Variants in EFCC1 observed in about 807,000 individuals in gnomAD.
The protein encoded by EFCC1 is EF-hand and coiled-coil domain containing 1, also known as EF-hand and coiled-coil domain-containing protein 1.
A neutral mutation model predicts 52.1 loss-of-function variants in EFCC1; 50 were observed. That is an observed-to-expected ratio of 0.96 (90% CI 0.76 to 1.21). The LOEUF (loss-of-function observed/expected upper bound fraction) is 1.21. Among genes scored for constraint, EFCC1 ranks in the 50% most tolerant of loss-of-function variants. The probability of loss-of-function intolerance (pLI) is 0.00; values close to 1 mark genes in which losing one functional copy is unlikely to be tolerated. For missense variants in EFCC1, 837 were observed against 867.3 expected (o/e 0.97, Z 0.44); for synonymous variants, 399 against 396.5 (o/e 1.01, Z -0.08).
At chr3:129,031,030 T>G (rs2107935134) in intron 3 of EFCC1, among the ~76,000 whole-genome samples, 170 bp downstream of exon 3, 1 of 152,188 alleles carries the variant, frequency 6.6e-6, no homozygotes, top group South Asian at 2.1e-4. Flanking sequence ...AGCCCCATCA[T>G]CCTAAGAACC....
intron 5 of EFCC1, among the ~76,000 whole-genome samples, chr3:129,034,981 T>C (rs536554401): frequency 2.6e-5 from 4 of 152,330 alleles, no homozygotes; most frequent in Admixed American, 1.3e-4. Flanking sequence ...AGCATCCAGC[T>C]GTCTCCATTT....
intron 1 of EFCC1, 90 bp downstream of exon 1, chr3:129,002,414 T>C: frequency 1.4e-6 from 2 of 1,431,044 alleles, no homozygotes; most frequent in South Asian, 2.9e-5. Context: ...CAGGACAGAG[T>C]CAGAGGAAGG....
At chr3:129,012,072 T>C (rs1480096599) in intron 2 of EFCC1, among the ~76,000 whole-genome samples, 2 of 152,194 alleles carry the variant, frequency 1.3e-5, no homozygotes, top group African/African-American at 4.8e-5. Context: ...ACAAAGGACA[T>C]GGGGTGGCCT....
chr3:129,030,682 G>A, intron 2 of EFCC1, 21 bp from the exon 3 acceptor site: 1 of 1,549,738 alleles, frequency 6.5e-7, no homozygotes, highest in East Asian at 2.4e-5. Context: ...CTCAATGCCT[G>A]TGTCTCTCCC....
intron 4 of EFCC1, among the ~76,000 whole-genome samples, chr3:129,033,931 G>T (rs1946321663): frequency 6.6e-6 from 1 of 152,264 alleles, no homozygotes; most frequent in South Asian, 2.1e-4. Flanking sequence ...GGAGCAGTGT[G>T]AGTGCAGGTG....
Position 129,030,778 on chromosome 3 carries a change from T to C in EFCC1, c.1056T>C (p.Asp352=). The change falls in exon 3 of 8, where the codon GAT becomes GAC. Residue 352 remains aspartate (D), a synonymous_variant. Coordinates refer to ENST00000683648, the MANE Select transcript of EFCC1 (RefSeq NM_001377500.1). ...GAGACAAGAGTAATGAACCTGAAGA[T>C]GCTGGGACCAGAGACCCAGACCCCA... is the stretch of plus-strand genomic sequence containing the variant. ...EPGDKSNEPE[D]AGTRDPDPTP... The C allele has an allele frequency of 1.3e-6, 2 of 1,551,596 alleles. No homozygotes were observed. Among genetic ancestry groups the C allele is most frequent in the South Asian group, 2.4e-5 (2 of 84,062 alleles).
At chr3:129,034,371 G>A (rs777438275) in intron 5 of EFCC1, 42 bp downstream of exon 5, 1 of 1,602,084 alleles carries the variant, frequency 6.2e-7, no homozygotes, top group East Asian at 2.2e-5. Context: ...CAATTCTAGA[G>A]GATCTCACAG....
intron 2 of EFCC1, among the ~76,000 whole-genome samples, chr3:129,006,173 G>T (rs1945065897): frequency 1.3e-5 from 2 of 152,224 alleles, no homozygotes; most frequent in Non-Finnish European, 2.9e-5. Flanking sequence ...AAATCAGCCT[G>T]GCCCCACTGC....
At chr3:129,009,166 C>T (rs1188747617) in intron 2 of EFCC1, among the ~76,000 whole-genome samples, 1 of 152,198 alleles carries the variant, frequency 6.6e-6, no homozygotes. Flanking sequence ...CACCTTTCTT[C>T]TCTCCTCTGT....
chr3:129,037,213 T>C, intron 6 of EFCC1, 96 bp downstream of exon 6: 2 of 1,420,384 alleles, frequency 1.4e-6, no homozygotes, highest in East Asian at 5.1e-5. Flanking sequence ...AGGCTCTCCT[T>C]ACAGTAGGCA....
chr3:129,003,193 G>T (rs1414867443), intron 1 of EFCC1: 2 of 983,522 alleles, frequency 2.0e-6, no homozygotes, highest in Non-Finnish European at 2.4e-6. Flanking sequence ...AAGCCAGGGT[G>T]GAGGCGGGAA....
rs1944751231 is a variant in EFCC1, at chr3:129,001,593, A to G, written c.-36A>G. The G allele has an allele frequency of 3.0e-6, 4 of 1,352,394 alleles. No individual in the cohort carries two copies. Among genetic ancestry groups the G allele is most frequent in the Non-Finnish European group, 1.9e-6 (2 of 1,059,106 alleles). 83.8% of individuals were successfully genotyped at this position (1,352,394 alleles called of 1,614,324 possible). A position where few individuals can be genotyped will look rare whatever the true frequency, so the allele number is the denominator to read the frequency against. On this transcript the variant is annotated 5_prime_UTR_variant, in exon 1 of 8. Coordinates refer to ENST00000683648, the MANE Select transcript of EFCC1 (RefSeq NM_001377500.1). ...GGAAGTGGCGGGGCGAAGGGACCGG[A>G]GGAGGGACCGGAGGAGCGAGGCGCG...
chr3:129,030,673 T>C, intron 2 of EFCC1, 30 bp from the exon 3 acceptor site: 1 of 1,547,928 alleles, frequency 6.5e-7, no homozygotes, highest in Non-Finnish European at 8.7e-7. Flanking sequence ...ACTCTCCTCC[T>C]CAATGCCTGT....
chr3:129,027,150 A>G (rs1013295949), intron 2 of EFCC1, among the ~76,000 whole-genome samples: 2 of 150,346 alleles, frequency 1.3e-5, no homozygotes, highest in South Asian at 2.1e-4. Flanking sequence ...ACGCCTGCAG[A>G]CGCCTGCAGA....
In EFCC1 at chr3:129,001,614, G is replaced by A. The variant is rs1944752970; in HGVS notation, c.-15G>A. 1.1e-5 allele frequency: 15 copies of A among 1,355,240 alleles called. No homozygotes were observed. The South Asian group carries it at 2.7e-4, about 25-fold the overall frequency. The allele number at this position is 1,355,240 out of a possible 1,614,324, so 84.0% of individuals were successfully genotyped here. On this transcript the variant is annotated 5_prime_UTR_variant, in exon 1 of 8. Transcript: ENST00000683648. ...CCGGAGGAGGGACCGGAGGAGCGAG[G>A]CGCGCGGCGCAGCGATGGAGCCGGT...
In EFCC1 at chr3:129,014,500, C is replaced by A. The variant is rs1367834288; in HGVS notation, c.980+10423C>A. On this transcript the variant is annotated intron_variant, in intron 2 of 7. Transcript: ENST00000683648. The surrounding 1 kb of genome is among the most constrained non-coding windows in gnomAD (Gnocchi z 4.3). ...TGTATTTCTGTCCTAATCCCCTCTT[C>A]TTAGAAGGACACCAGTCAGACTGGA... Among the ~76,000 whole-genome samples the A allele has an allele frequency of 1.3e-5, 2 of 152,244 alleles. No homozygotes were observed. Among genetic ancestry groups the A allele is most frequent in the African/African-American group, 4.8e-5 (2 of 41,466 alleles).
chr3:129,040,379 T>TCA lies in EFCC1; in HGVS notation c.*533_*534dup, dbSNP rs1443212661. 2 of 153,052 alleles carry TCA rather than the reference T, an allele frequency of 1.3e-5. No homozygotes were observed. The highest frequency in any genetic ancestry group is 2.9e-5 in the Non-Finnish European group (2 of 68,686). 9.5% of individuals were successfully genotyped at this position (153,052 alleles called of 1,614,324 possible). On this transcript the variant is annotated 3_prime_UTR_variant, in exon 8 of 8. Transcript: ENST00000683648. This position sits in a 1 kb window ranked among gnomAD's most constrained non-coding sequence, Gnocchi z 4.4. Reference sequence around the variant, plus strand: ...TGAGGGAATTCCAAGGAAGGAACAATCACTGTAGGCTCCCTGGTAGAAGCT... The same window carrying TCA: ...TGAGGGAATTCCAAGGAAGGAACAATCACACTGTAGGCTCCCTGGTAGAAGCT...
Position 129,002,189 on chromosome 3 carries a change from C to A in EFCC1, c.561C>A (p.Cys187Ter). ...RRPRRRRRPP[C>*]APGPDSGPDC... ...CGCGCCGCCGCCGCCGCCCGCCCTG[C>A]GCGCCTGGCCCCGACAGCGGTCCTG... The change falls in exon 1 of 8, where the codon TGC becomes TGA. Residue 187 changes from cysteine to a stop codon, truncating the protein, a stop_gained. Coordinates refer to ENST00000683648, the MANE Select transcript of EFCC1 (RefSeq NM_001377500.1). LOFTEE classifies it high-confidence loss of function. 6.7e-7 allele frequency: 1 copy of A among 1,497,692 alleles called. No homozygotes were observed. Among genetic ancestry groups the A allele is most frequent in the South Asian group, 1.3e-5 (1 of 79,062 alleles). 92.8% of individuals were successfully genotyped at this position (1,497,692 alleles called of 1,614,324 possible).
chr3:129,029,937 C>A (rs1391735091), intron 2 of EFCC1, among the ~76,000 whole-genome samples: 2 of 151,122 alleles, frequency 1.3e-5, no homozygotes, highest in Non-Finnish European at 2.9e-5. Flanking sequence ...GTAATCCCAA[C>A]ACTTTGTGAG....
Sources: gnomAD v4.1 joint callset for allele counts (sites outside exome capture counted in the v4.1 genomes callset) on GRCh38, gnomAD v4.1.1 for gene constraint, Gnocchi (gnomAD v3.1) non-coding constraint, MANE v1.5 for transcripts, NCBI Gene and HGNC (gene_info 2026-07-23, HGNC 2026-07-21) for gene names.